Variants in SLC39A4 observed in about 807,000 individuals in gnomAD.
SLC39A4 encodes zinc transporter ZIP4.
In SLC39A4, 49 loss-of-function variants were observed where a neutral mutation model predicts 56.6. The ratio of observed to expected loss-of-function variants is 0.87; its 90% CI spans 0.69 to 1.10. SLC39A4 has a LOEUF of 1.10. Among genes scored for constraint, SLC39A4 ranks in the 50% least tolerant of loss-of-function variants. SLC39A4 has a pLI of 0.00. For missense variants in SLC39A4, 993 were observed against 864.2 expected (o/e 1.15, Z -1.87); for synonymous variants, 540 against 420.4 (o/e 1.28, Z -3.48).
intron 6 of SLC39A4, 68 bp from the exon 7 acceptor site, chr8:144,414,163 G>A: frequency 6.4e-7 from 1 of 1,564,300 alleles, no homozygotes; most frequent in Non-Finnish European, 8.7e-7. Context: ...CCAGGGAGAG[G>A]GGTCAGGAGG....
intron 10 of SLC39A4, 121 bp from the exon 11 acceptor site, chr8:144,413,067 C>T: frequency 6.7e-7 from 1 of 1,488,438 alleles, no homozygotes; most frequent in Non-Finnish European, 9.0e-7. Flanking sequence ...CCCGCCCAGC[C>T]GTCAGATCCC....
Position 144,412,582 on chromosome 8 carries a change from C to T in SLC39A4, c.1900G>A (p.Val634Ile), listed in dbSNP as rs1205693199. 3 of 1,614,064 alleles carry T rather than the reference C, an allele frequency of 1.9e-6. No individual in the cohort carries two copies. The highest frequency in any genetic ancestry group is 2.5e-6 in the Non-Finnish European group (3 of 1,180,030). ...HNVGLLGGWT[V>I]LLLLSLYEDD... ...TCGTACAGGGACAGCAGCAGCAGGACGGTCCAGCCGCCCAGCAGGCCCACG... is the reference window on the plus strand; with the variant it reads ...TCGTACAGGGACAGCAGCAGCAGGATGGTCCAGCCGCCCAGCAGGCCCACG... Residue 634 changes from valine to isoleucine, a missense_variant, in exon 12 of 12, where the codon GTC becomes ATC. Val to Ile is a conservative substitution (Grantham distance 29). Transcript: ENST00000301305.
rs554981460 is a variant in SLC39A4, at chr8:144,416,207, A to C, written c.193-116T>G. On this transcript the variant is annotated intron_variant, in intron 1 of 11. Coordinates refer to ENST00000301305, the MANE Select transcript of SLC39A4 (RefSeq NM_130849.4). ...CCTTTCAAGTCCAACAACGTCCACC[A>C]TCCTCTCTCAACCCCTGGCGCCCTT... 4.5e-5 allele frequency: 72 copies of C among 1,592,248 alleles called. 1 individual carries two copies. In the East Asian group the frequency reaches 4.9e-4, roughly 11 times the overall value.
rs200481633 is a variant in SLC39A4 at position 144,413,478 on chromosome 8, C to A, written c.1474+35G>T. 9.0e-6 allele frequency: 14 copies of A among 1,563,524 alleles called. No individual in the cohort carries two copies. The South Asian group carries it at 1.5e-4, about 17-fold the overall frequency. ...CCCGCGCTCCACACAAACCCCAGATCCCCCAGCCCTTCCGGGGTCGCCCCC... is the reference window on the plus strand; with the variant it reads ...CCCGCGCTCCACACAAACCCCAGATACCCCAGCCCTTCCGGGGTCGCCCCC... On this transcript the variant is annotated intron_variant, in intron 9 of 11. Transcript: ENST00000301305.
chr8:144,416,016 C>T lies in SLC39A4; in HGVS notation c.268G>A (p.Ala90Thr), dbSNP rs948445207. 16 of 1,578,540 alleles carry T rather than the reference C, an allele frequency of 1.0e-5. No homozygotes were observed. The highest frequency in any genetic ancestry group is 4.0e-5 in the African/African-American group (3 of 74,498). The stretch of plus-strand genomic sequence containing the variant: ...GCACTGAGGCGGGCGACGTACCTGG[C>T]CTCCAGGACCGGGCCCGGGGGCAGC... Reference protein sequence around the residue: ...SGLPPGPVLEARYVARLSAAA... With the variant: ...SGLPPGPVLETRYVARLSAAA... Residue 90 changes from alanine to threonine, a missense_variant, in exon 2 of 12, where the codon GCC (alanine) becomes ACC (threonine). Coordinates refer to ENST00000301305, the MANE Select transcript of SLC39A4 (RefSeq NM_130849.4).
rs1162583725 is a variant in SLC39A4, at chr8:144,416,037, G to T, written c.247C>A (p.Pro83Thr). The change falls in exon 2 of 12, where the codon CCC (proline) becomes ACC (threonine). Residue 83 changes from proline to threonine, a missense_variant. By Grantham distance (38) the Pro-to-Thr change is conservative. Coordinates refer to ENST00000301305, the MANE Select transcript of SLC39A4 (RefSeq NM_130849.4). ...CTGGCCTCCAGGACCGGGCCCGGGG[G>T]CAGCCCTGACCCCTCAGGCTCGCCC... ...GLGEPEGSGL[P>T]PGPVLEARYV... 7.0e-6 allele frequency: 11 copies of T among 1,582,464 alleles called. No individual in the cohort carries two copies. In the Admixed American group the frequency reaches 8.8e-5, roughly 13 times the overall value.
Position 144,413,853 on chromosome 8 carries a change from C to T in SLC39A4, c.1316G>A (p.Ser439Asn), listed in dbSNP as rs150920110. 7 of 1,599,818 alleles carry T rather than the reference C, an allele frequency of 4.4e-6. No homozygotes were observed. Among genetic ancestry groups the T allele is most frequent in the Middle Eastern group, 1.9e-4 (1 of 5,210 alleles). ...EDLEDGPCGH[S>N]SHSHGGHSHG... Reference sequence around the variant, plus strand: ...GCTGTGGCCCCCGTGGCTATGGCTGCTGTGGCCGCAGGGCCCGTCCTCCAG... The same window carrying T: ...GCTGTGGCCCCCGTGGCTATGGCTGTTGTGGCCGCAGGGCCCGTCCTCCAG... Residue 439 changes from serine (S) to asparagine (N), a missense_variant, in exon 8 of 12, where the codon AGC (serine) becomes AAC (asparagine). Transcript: ENST00000301305.
chr8:144,413,605 A>G (rs2130795240), intron 8 of SLC39A4, 38 bp from the exon 9 acceptor site: 2 of 1,548,686 alleles, frequency 1.3e-6, no homozygotes, highest in Non-Finnish European at 1.7e-6. Flanking sequence ...CCGGAAGTGG[A>G]GGAGGAACGC....
intron 9 of SLC39A4, 45 bp from the exon 10 acceptor site, chr8:144,413,434 CGCCAAGCCTTGG>C (rs782520888): frequency 3.8e-6 from 6 of 1,594,750 alleles, no homozygotes; most frequent in Non-Finnish European, 5.1e-6. Flanking sequence ...TGTCGCCTAC[CGCCAAGCCTTGG>C]GCCCCACCCG....
In SLC39A4 at chr8:144,413,498, G is replaced by C. The variant is rs950233726; in HGVS notation, c.1474+15C>G. On this transcript the variant is annotated intron_variant, in intron 9 of 11. Coordinates refer to ENST00000301305, the MANE Select transcript of SLC39A4 (RefSeq NM_130849.4). Reference sequence around the variant, plus strand: ...CAGATCCCCCAGCCCTTCCGGGGTCGCCCCCTGGGCTCACCTGGGCTCAGT... The same window carrying C: ...CAGATCCCCCAGCCCTTCCGGGGTCCCCCCCTGGGCTCACCTGGGCTCAGT... The C allele has an allele frequency of 2.6e-5, 40 of 1,557,654 alleles. No homozygotes were observed. Among genetic ancestry groups the C allele is most frequent in the Non-Finnish European group, 3.0e-5 (35 of 1,150,946 alleles).
Position 144,413,530 on chromosome 8 carries a change from G to A in SLC39A4, c.1457C>T (p.Pro486Leu). 1 of 1,556,708 alleles carries A rather than the reference G, an allele frequency of 6.4e-7. No homozygotes were observed. The highest frequency in any genetic ancestry group is 8.7e-7 in the Non-Finnish European group (1 of 1,150,184). The change falls in exon 9 of 12, where the codon CCC (proline) becomes CTC (leucine). Residue 486 changes from proline to leucine, a missense_variant. Transcript: ENST00000301305. ...GGGCTCACCTGGGCTCAGTCTCCTG[G>A]GCTCAGGGTTCAGCAGCTCCGGGCT... ...EESPELLNPE[P>L]RRLSPELRLL...
intron 2 of SLC39A4, 31 bp from the exon 3 acceptor site, chr8:144,415,450 T>C (rs1554873662): frequency 1.3e-6 from 2 of 1,571,368 alleles, no homozygotes; most frequent in Admixed American, 1.9e-5. Flanking sequence ...GCCTCAGCCT[T>C]TGGTGTGACC....
chr8:144,413,696 A>G (rs1822009577), intron 8 of SLC39A4, 54 bp downstream of exon 8: 9 of 1,536,048 alleles, frequency 5.9e-6, no homozygotes, highest in East Asian at 4.9e-5. Context: ...TGGGCGTGGG[A>G]AGGGGTCGGT....
At chr8:144,412,688 G>A (rs1821929023) in intron 11 of SLC39A4, 22 bp from the exon 12 acceptor site, 1 of 1,613,574 alleles carries the variant, frequency 6.2e-7, no homozygotes, top group Non-Finnish European at 8.5e-7. Flanking sequence ...GTGGGCACCG[G>A]GTCAGCGCCC....
chr8:144,416,753 G>A lies in SLC39A4; in HGVS notation c.37C>T (p.Leu13=). ...SLVSLELGLL[L]AVLVVTATAS... is the part of the protein sequence containing the mutation. Reference sequence around the variant, plus strand: ...GTCGCCGTCACCACCAGCACAGCCAGAAGCAGCCCCAGCTCCAGCGAGACC... The same window carrying A: ...GTCGCCGTCACCACCAGCACAGCCAAAAGCAGCCCCAGCTCCAGCGAGACC... Residue 13 remains leucine, a synonymous_variant, in exon 1 of 12, where the codon CTG becomes TTG. Coordinates refer to ENST00000301305, the MANE Select transcript of SLC39A4 (RefSeq NM_130849.4). 6.2e-7 allele frequency: 1 copy of A among 1,612,868 alleles called. No individual in the cohort carries two copies. Among genetic ancestry groups the A allele is most frequent in the African/African-American group, 1.3e-5 (1 of 75,044 alleles).
Position 144,415,273 on chromosome 8 carries a change from G to A in SLC39A4, c.621C>T (p.Asp207=), listed in dbSNP as rs781914777. The A allele has an allele frequency of 8.7e-6, 14 of 1,613,292 alleles. No individual in the cohort carries two copies. In the South Asian group the frequency reaches 1.4e-4, roughly 16 times the overall value. ...HALPSPQYFV[D]FVFQQHSSEV... Reference sequence around the variant, plus strand: ...CGCTGCTGTGCTGCTGGAACACAAAGTCCACGAAGTACTGAGGGCTCGGCA... The same window carrying A: ...CGCTGCTGTGCTGCTGGAACACAAAATCCACGAAGTACTGAGGGCTCGGCA... Residue 207 remains aspartate (D), a synonymous_variant, in exon 3 of 12, where the codon GAC becomes GAT. Coordinates refer to ENST00000301305, the MANE Select transcript of SLC39A4 (RefSeq NM_130849.4).
chr8:144,414,696 G>C (rs782005425), intron 5 of SLC39A4, 29 bp downstream of exon 5: 2 of 1,610,752 alleles, frequency 1.2e-6, no homozygotes, highest in East Asian at 4.5e-5. Flanking sequence ...CCTCTGTGCT[G>C]CCAGCACAAT....
rs1025818899 is a variant in SLC39A4, at chr8:144,415,338, G to A, written c.556C>T (p.Leu186=). ...PGSAGGVLAA[L]LDHVRSGSCF... Reference sequence around the variant, plus strand: ...GACCCGCTCCTGACATGGTCCAGCAGGGCAGCCAGGACGCCGCCAGCACTG... The same window carrying A: ...GACCCGCTCCTGACATGGTCCAGCAAGGCAGCCAGGACGCCGCCAGCACTG... Residue 186 remains leucine (L), a synonymous_variant, in exon 3 of 12, where the codon CTG becomes TTG. Coordinates refer to ENST00000301305, the MANE Select transcript of SLC39A4 (RefSeq NM_130849.4). 2.5e-6 allele frequency: 4 copies of A among 1,612,166 alleles called. No homozygotes were observed. The highest frequency in any genetic ancestry group is 2.7e-5 in the African/African-American group (2 of 74,896).
chr8:144,413,692 T>C lies in SLC39A4; in HGVS notation c.1419+58A>G, dbSNP rs1188356761. The C allele has an allele frequency of 4.6e-6, 7 of 1,531,186 alleles. No homozygotes were observed. In the East Asian group the frequency reaches 1.7e-4, roughly 38 times the overall value. 94.8% of individuals were successfully genotyped at this position (1,531,186 alleles called of 1,614,324 possible). Reference sequence around the variant, plus strand: ...TGGGGTGGGGCTGGGAGTGTGGGCGTGGGAAGGGGTCGGTGGGAGGGGCTC... The same window carrying C: ...TGGGGTGGGGCTGGGAGTGTGGGCGCGGGAAGGGGTCGGTGGGAGGGGCTC... On this transcript the variant is annotated intron_variant, in intron 8 of 11. Transcript: ENST00000301305.
Sources: allele counts gnomAD v4.1 joint callset, GRCh38; gene constraint gnomAD v4.1.1; transcripts MANE v1.5; gene names NCBI Gene and HGNC (gene_info 2026-07-23, HGNC 2026-07-21).